CACNA1D: variants seen among roughly 807,000 people sequenced by gnomAD.
CACNA1D encodes voltage-dependent L-type calcium channel subunit alpha-1D.
CACNA1D carries 55 observed loss-of-function variants against 257.1 expected under a neutral mutation model. The ratio of observed to expected loss-of-function variants is 0.21; its 90% CI spans 0.17 to 0.27. The LOEUF (loss-of-function observed/expected upper bound fraction) is 0.27. Ranked by LOEUF, CACNA1D falls within the 10% of genes least tolerant of loss-of-function variation. The probability of loss-of-function intolerance (pLI) is 1.00; values close to 1 mark genes in which losing one functional copy is unlikely to be tolerated. For missense variants in CACNA1D, 1,876 were observed against 2,784.0 expected (o/e 0.67, Z 7.34); for synonymous variants, 980 against 1,014.9 (o/e 0.97, Z 0.65).
At position 53,801,220 on chromosome 3, in the gene CACNA1D, T is replaced by G. The variant is rs1416266402; in HGVS notation, c.5203T>G (p.Ser1735Ala). 3 of 1,613,986 alleles carry G rather than the reference T, an allele frequency of 1.9e-6. No individual in the cohort carries two copies. Among genetic ancestry groups the G allele is most frequent in the Non-Finnish European group, 2.5e-6 (3 of 1,179,990 alleles). Residue 1735 changes from serine to alanine, a missense_variant, in exon 42 of 48, where the codon TCG (serine) becomes GCG (alanine). Physicochemically the swap from Ser to Ala is moderately conservative, Grantham distance 99. This residue lies in a region of CACNA1D where 160 missense variants were observed against 236.6 expected (regional missense o/e 0.68). Transcript: ENST00000350061. Reference sequence around the variant, plus strand: ...ACCGCTGTTTCCTCCAGCAGGAAATTCGGTGTGTCATAACCATCATAACCA... The same window carrying G: ...ACCGCTGTTTCCTCCAGCAGGAAATGCGGTGTGTCATAACCATCATAACCA... ...EKPLFPPAGN[S>A]VCHNHHNHNS... is the part of the protein sequence containing the mutation.
chr3:53,708,521 G>A (rs1225528678), intron 9 of CACNA1D, among the ~76,000 whole-genome samples: 1 of 152,168 alleles, frequency 6.6e-6, no homozygotes, highest in East Asian at 1.9e-4. Context: ...CCACAGGGGT[G>A]ATAGAAAGCA....
At chr3:53,547,574 G>A (rs945705290) in intron 3 of CACNA1D, among the ~76,000 whole-genome samples, 12 of 152,112 alleles carry the variant, frequency 7.9e-5, no homozygotes, top group African/African-American at 2.9e-4. Flanking sequence ...TGTATTTGAG[G>A]CTTTGTGTAC....
chr3:53,691,809 T>G (rs1447657814), intron 8 of CACNA1D, among the ~76,000 whole-genome samples: 2 of 100,138 alleles, frequency 2.0e-5, no homozygotes, highest in East Asian at 5.0e-4. Context: ...ATATATAATA[T>G]ATATTATATA....
chr3:53,751,901 C>G lies in CACNA1D; in HGVS notation c.3669C>G (p.Ala1223=). 6.2e-7 allele frequency: 1 copy of G among 1,614,090 alleles called. No individual in the cohort carries two copies. Among genetic ancestry groups the G allele is most frequent in the Non-Finnish European group, 8.5e-7 (1 of 1,180,016 alleles). The change falls in exon 28 of 48, where the codon GCC becomes GCG. Residue 1223 remains alanine, a synonymous_variant. Transcript: ENST00000350061. This position sits in a 1 kb window ranked among gnomAD's most constrained non-coding sequence, Gnocchi z 4.3. ...VLIMLNTLCL[A]MQHYEQSKMF... is the part of the protein sequence containing the mutation. ...TCATGCTCAACACACTCTGCTTGGC[C>G]ATGCAGGTAAAAATGGAGACAGCCG...
intron 3 of CACNA1D, among the ~76,000 whole-genome samples, chr3:53,582,550 C>A (rs1293833582): frequency 6.6e-6 from 1 of 151,996 alleles, no homozygotes; most frequent in Non-Finnish European, 1.5e-5. Flanking sequence ...TTGGAGATTG[C>A]AGGAGAAAGC....
chr3:53,568,586 C>G (rs58272439), intron 3 of CACNA1D, among the ~76,000 whole-genome samples: 1 of 152,156 alleles, frequency 6.6e-6, no homozygotes, highest in South Asian at 2.1e-4. Flanking sequence ...CTTCTTTACT[C>G]GCACACCAGG....
intron 22 of CACNA1D, 134 bp downstream of exon 22, chr3:53,743,251 CA>C (rs1300857966): frequency 3.0e-6 from 2 of 664,680 alleles, no homozygotes; most frequent in Non-Finnish European, 5.4e-6. Flanking sequence ...AATTTGCTCC[CA>C]TTCCAGAAAG....
chr3:53,569,871 C>A (rs1043575475), intron 3 of CACNA1D, among the ~76,000 whole-genome samples: 2 of 152,136 alleles, frequency 1.3e-5, no homozygotes, highest in Non-Finnish European at 2.9e-5. Context: ...CCTTAGTTTT[C>A]TCATTTGTAA....
intron 3 of CACNA1D, among the ~76,000 whole-genome samples, chr3:53,527,162 A>C (rs761563086): frequency 2.0e-5 from 3 of 152,268 alleles, no homozygotes; most frequent in Middle Eastern, 3.2e-3. Flanking sequence ...TTTATAGATC[A>C]GAAAACTTAG....
At chr3:53,675,275 G>T (rs1022093231) in intron 8 of CACNA1D, among the ~76,000 whole-genome samples, 1 of 152,326 alleles carries the variant, frequency 6.6e-6, no homozygotes, top group Admixed American at 6.5e-5. Context: ...CCACCTCAAC[G>T]TGAGAAGTGT....
At chr3:53,570,386 G>A (rs79794896) in intron 3 of CACNA1D, among the ~76,000 whole-genome samples, 1 of 152,112 alleles carries the variant, frequency 6.6e-6, no homozygotes, top group Non-Finnish European at 1.5e-5. Flanking sequence ...TGAATACTTG[G>A]TTACTTGTTT....
intron 8 of CACNA1D, among the ~76,000 whole-genome samples, chr3:53,683,217 C>T (rs576124904): frequency 6.6e-6 from 1 of 152,292 alleles, no homozygotes; most frequent in East Asian, 1.9e-4. Context: ...AGGCAGAGAA[C>T]AGCTAGTAGA....
intron 8 of CACNA1D, among the ~76,000 whole-genome samples, chr3:53,694,220 C>T (rs34053132): frequency 8.5e-5 from 13 of 152,268 alleles, no homozygotes; most frequent in South Asian, 8.3e-4. Flanking sequence ...GTGCCCAGCC[C>T]GTGGGGGCTC....
At chr3:53,730,586 C>T in intron 16 of CACNA1D, 30 bp downstream of exon 16, 1 of 1,502,098 alleles carries the variant, frequency 6.7e-7, no homozygotes, top group Non-Finnish European at 9.3e-7. Context: ...ACGTGTTTGT[C>T]CAGGGGCTGT....
rs201768852 is a variant in CACNA1D at position 53,722,380 on chromosome 3, G to C, written c.1572G>C (p.Thr524=). The C allele has an allele frequency of 6.2e-7, 1 of 1,614,188 alleles. No individual in the cohort carries two copies. The highest frequency in any genetic ancestry group is 8.5e-7 in the Non-Finnish European group (1 of 1,180,022). ...GTAGGGCCGCCGTGAAGTCTGTCACGTTTTACTGGCTGGTTATCGTCCTGG... is the reference window on the plus strand; with the variant it reads ...GTAGGGCCGCCGTGAAGTCTGTCACCTTTTACTGGCTGGTTATCGTCCTGG... ...RRCRAAVKSV[T]FYWLVIVLVF... Residue 524 remains threonine (T), a synonymous_variant, in exon 12 of 48, where the codon ACG becomes ACC. Transcript: ENST00000350061.
At chr3:53,607,053 A>G (rs1187888599) in intron 3 of CACNA1D, among the ~76,000 whole-genome samples, 1 of 152,232 alleles carries the variant, frequency 6.6e-6, no homozygotes, top group East Asian at 1.9e-4. Flanking sequence ...ATTAGAGTCT[A>G]AACATTGGAA....
In CACNA1D at chr3:53,789,735, G is replaced by T. The variant is rs1328263345; in HGVS notation, c.4923+2783G>T. On this transcript the variant is annotated intron_variant, in intron 40 of 47. Coordinates refer to ENST00000350061, the MANE Select transcript of CACNA1D (RefSeq NM_001128840.3). The surrounding 1 kb of genome is among the most constrained non-coding windows in gnomAD (Gnocchi z 4.2). ...TGCGGACCTAGGCATGTGCGTGCTT[G>T]TGCTGCGTAGGGTGCAGTCTGTCTG... Among the ~76,000 whole-genome samples, 1 of 152,240 alleles carries T rather than the reference G, an allele frequency of 6.6e-6. No individual in the cohort carries two copies. The highest frequency in any genetic ancestry group is 1.5e-5 in the Non-Finnish European group (1 of 68,030).
intron 9 of CACNA1D, among the ~76,000 whole-genome samples, chr3:53,714,114 A>T (rs1459679310): frequency 6.6e-6 from 1 of 152,226 alleles, no homozygotes; most frequent in Non-Finnish European, 1.5e-5. Context: ...TTAAATTTAT[A>T]TAAAAAATAA....
chr3:53,612,284 A>G (rs780367520), intron 3 of CACNA1D, among the ~76,000 whole-genome samples: 1 of 152,156 alleles, frequency 6.6e-6, no homozygotes, highest in African/African-American at 2.4e-5. Context: ...GGTATTGTAA[A>G]AATTATATTG....
Sources: gnomAD v4.1 joint callset for allele counts (sites outside exome capture counted in the v4.1 genomes callset) on GRCh38, gnomAD v4.1.1 for gene constraint, gnomAD v4.1.1 regional missense constraint, Gnocchi (gnomAD v3.1) non-coding constraint, MANE v1.5 for transcripts, NCBI Gene and HGNC (gene_info 2026-07-23, HGNC 2026-07-21) for gene names.